The following GALNTL6 variants were observed in gnomAD, a reference collection of about 807,000 sequenced individuals.
GALNTL6 encodes polypeptide N-acetylgalactosaminyltransferase like 6.
Under a neutral mutation model 73.7 loss-of-function variants are expected in GALNTL6, and 46 were observed. That is an observed-to-expected ratio of 0.62 (90% CI 0.49 to 0.80). GALNTL6 has a LOEUF of 0.80. GALNTL6 is among the 30% of genes least tolerant of loss of function. GALNTL6 has a pLI of 0.00. For missense variants in GALNTL6, 604 were observed against 755.0 expected, an observed-to-expected ratio of 0.80 and a Z score of 2.34; for synonymous variants, 259 against 263.7, an observed-to-expected ratio of 0.98 and a Z score of 0.17.
At position 172,734,486 on chromosome 4, in the gene GALNTL6, C is replaced by T. The variant is rs1260109883; in HGVS notation, c.554-74875C>T. Among the ~76,000 whole-genome samples the T allele has an allele frequency of 2.6e-5, 4 of 152,240 alleles. No individual in the cohort carries two copies. In the South Asian group the frequency reaches 6.2e-4, roughly 24 times the overall value. On this transcript the variant is annotated intron_variant, in intron 5 of 12. Coordinates refer to ENST00000506823, the MANE Select transcript of GALNTL6 (RefSeq NM_001034845.3). Reference sequence around the variant, plus strand: ...GCCAAAACAAAGGGGTTACAGGCCCCATACAAATCTGAAATCCAATAGGGC... The same window carrying T: ...GCCAAAACAAAGGGGTTACAGGCCCTATACAAATCTGAAATCCAATAGGGC...
At chr4:172,260,664 G>A (rs1476274804) in intron 3 of GALNTL6, among the ~76,000 whole-genome samples, 1 of 151,514 alleles carries the variant, frequency 6.6e-6, no homozygotes, top group Non-Finnish European at 1.5e-5. Flanking sequence ...GTGAAAGTGG[G>A]AATCCTTGTC....
At chr4:172,750,592 A>G (rs1047095857) in intron 5 of GALNTL6, among the ~76,000 whole-genome samples, 2 of 151,714 alleles carry the variant, frequency 1.3e-5, no homozygotes, top group Non-Finnish European at 2.9e-5. Flanking sequence ...CATTTCCTTC[A>G]CTCTTGCAAA....
intron 2 of GALNTL6, among the ~76,000 whole-genome samples, chr4:172,017,906 G>A (rs1741260020): frequency 6.6e-6 from 1 of 151,556 alleles, no homozygotes; most frequent in Non-Finnish European, 1.5e-5. Flanking sequence ...TCTGCTAGAG[G>A]TTGCAGGGGA....
intron 2 of GALNTL6, among the ~76,000 whole-genome samples, chr4:172,201,329 C>G (rs1250672704): frequency 4.6e-5 from 7 of 151,996 alleles, no homozygotes; most frequent in Non-Finnish European, 7.4e-5. Flanking sequence ...GCCTCGGCCT[C>G]CCAAGTTGCT....
At chr4:171,997,627 A>G (rs1231511314) in intron 2 of GALNTL6, among the ~76,000 whole-genome samples, 1 of 152,150 alleles carries the variant, frequency 6.6e-6, no homozygotes, top group African/African-American at 2.4e-5. Flanking sequence ...ATCATCCATA[A>G]AGTTTTAAAA....
In GALNTL6 at chr4:172,380,332, A is replaced by T. The variant is rs1579015809; in HGVS notation, c.553+31643A>T. 4 of 723,292 alleles carry T rather than the reference A, an allele frequency of 5.5e-6. 1 individual carries two copies. Among genetic ancestry groups the T allele is most frequent in the Middle Eastern group, 3.1e-4 (1 of 3,186 alleles). The allele number at this position is 723,292 out of a possible 1,614,324, so 44.8% of individuals were successfully genotyped here. On this transcript the variant is annotated intron_variant, in intron 5 of 12. Coordinates refer to ENST00000506823, the MANE Select transcript of GALNTL6 (RefSeq NM_001034845.3). ...CTTCTGGAAGAAATAGTCCAAGTTT[A>T]AAAGTCCCTCCCTCACAGTGGGAAT...
chr4:172,058,113 G>GTTGTTTTGTTTTGTTTTGTT (rs10526611), intron 2 of GALNTL6, among the ~76,000 whole-genome samples: 9,763 of 146,304 alleles, frequency 0.067, 423 homozygotes, highest in Middle Eastern at 0.092. Context: ...GGCTGAAGTG[G>GTTGTTTTGTTTTGTTTTGTT]TTGTTTTGTT....
chr4:171,964,134 C>CA (rs1739315004), intron 2 of GALNTL6, among the ~76,000 whole-genome samples: 1 of 151,832 alleles, frequency 6.6e-6, no homozygotes, highest in South Asian at 2.1e-4. Flanking sequence ...AGAACTGGCA[C>CA]AAATAATAAT....
At position 171,895,317 on chromosome 4, in the gene GALNTL6, A is replaced by G. The variant is rs531530789; in HGVS notation, c.138+80599A>G. Among the ~76,000 whole-genome samples, 8 of 152,304 alleles carry G rather than the reference A, an allele frequency of 5.3e-5. No individual in the cohort carries two copies. The South Asian group carries it at 1.0e-3, about 20-fold the overall frequency. ...ATAGATGAGCAGAATCCCTTGCGTG[A>G]AAAAAGCTCCAATTCTCTGGTCTGG... On this transcript the variant is annotated intron_variant, in intron 2 of 12. Coordinates refer to ENST00000506823, the MANE Select transcript of GALNTL6 (RefSeq NM_001034845.3).
chr4:172,695,723 G>T (rs561654888), intron 5 of GALNTL6, among the ~76,000 whole-genome samples: 10 of 152,088 alleles, frequency 6.6e-5, no homozygotes, highest in African/African-American at 1.9e-4. Context: ...CGAGGCGGGC[G>T]GATCATGAGG....
intron 3 of GALNTL6, among the ~76,000 whole-genome samples, chr4:172,245,194 C>T (rs2111001607): frequency 6.6e-6 from 1 of 152,186 alleles, no homozygotes; most frequent in East Asian, 1.9e-4. Context: ...TTAACTCGTT[C>T]CTGCATAGCT....
At chr4:172,871,834 A>G (rs569914755) in intron 7 of GALNTL6, among the ~76,000 whole-genome samples, 20 of 151,458 alleles carry the variant, frequency 1.3e-4, no homozygotes, top group African/African-American at 3.2e-4. Flanking sequence ...CCCAGGTTGG[A>G]GTGTGATGGC....
chr4:172,665,696 T>C (rs1253040604), intron 5 of GALNTL6, among the ~76,000 whole-genome samples: 2 of 152,254 alleles, frequency 1.3e-5, no homozygotes, highest in Admixed American at 6.5e-5. Context: ...ACTATGACTA[T>C]TTTGCCTATC....
At chr4:172,198,430 C>T (rs1174755172) in intron 2 of GALNTL6, among the ~76,000 whole-genome samples, 2 of 151,500 alleles carry the variant, frequency 1.3e-5, no homozygotes, top group Non-Finnish European at 1.5e-5. Context: ...AAAAAAGACC[C>T]CATTAAAAAG....
At chr4:172,117,166 C>T (rs747983141) in intron 2 of GALNTL6, among the ~76,000 whole-genome samples, 5 of 152,058 alleles carry the variant, frequency 3.3e-5, no homozygotes, top group South Asian at 2.1e-4. Flanking sequence ...ATCACACCAA[C>T]GTAATTCTAA....
rs555686839 is a variant in GALNTL6 at position 172,884,374 on chromosome 4, A to T, written c.1041+1467A>T. Among the ~76,000 whole-genome samples, 3 of 152,298 alleles carry T rather than the reference A, an allele frequency of 2.0e-5. No homozygotes were observed. The South Asian group carries it at 6.2e-4, about 32-fold the overall frequency. ...ATTTGCATTTCTCTGATAACTAAAG[A>T]TGTTCAACATTTTTCATATACCTGT... On this transcript the variant is annotated intron_variant, in intron 8 of 12. Transcript: ENST00000506823.
rs139686454 is a variant in GALNTL6 at position 172,228,143 on chromosome 4, AT to A, written c.139-1512del. On this transcript the variant is annotated intron_variant, in intron 2 of 12. Transcript: ENST00000506823. The stretch of plus-strand genomic sequence containing the variant: ...ATAAGTTGATCATCAATTCAAAAAA[AT>A]GTTTGATTTTTTTAAATGTTTGCTA... 3.6e-3 allele frequency among the ~76,000 whole-genome samples: 551 copies of A among 152,260 alleles called. 5 individuals are homozygous for A. The highest frequency in any genetic ancestry group is 0.013 in the African/African-American group (523 of 41,574).
At chr4:172,434,858 A>G (rs1050891996) in intron 5 of GALNTL6, among the ~76,000 whole-genome samples, 4 of 152,212 alleles carry the variant, frequency 2.6e-5, no homozygotes, top group South Asian at 4.1e-4. Flanking sequence ...TTTCTGTGGC[A>G]TCATATTCCA....
chr4:173,033,175 G>GT, intron 12 of GALNTL6, among the ~76,000 whole-genome samples: 1 of 151,930 alleles, frequency 6.6e-6, no homozygotes, highest in East Asian at 1.9e-4. Context: ...TAACTTTAGT[G>GT]TTTTTTAGTA....
Sources: allele counts gnomAD v4.1 joint callset (sites outside exome capture counted in the v4.1 genomes callset), GRCh38; gene constraint gnomAD v4.1.1; transcripts MANE v1.5; gene names NCBI Gene and HGNC (gene_info 2026-07-23, HGNC 2026-07-21).